PHLPP2: variants seen among roughly 807,000 people sequenced by gnomAD.
The protein encoded by PHLPP2 is PH domain and leucine rich repeat protein phosphatase 2.
In PHLPP2, 66 loss-of-function variants were observed where a neutral mutation model predicts 124.9. That is an observed-to-expected ratio of 0.53 (90% CI 0.43 to 0.65). The LOEUF is 0.65. Ranked by LOEUF, PHLPP2 falls within the 30% of genes least tolerant of loss-of-function variation. The probability of loss-of-function intolerance (pLI) is 0.00; values close to 1 mark genes in which losing one functional copy is unlikely to be tolerated. For missense variants in PHLPP2, 1,685 were observed against 1,600.4 expected (o/e 1.05, Z -0.90); for synonymous variants, 681 against 624.7 (o/e 1.09, Z -1.34).
At chr16:71,664,768 T>A (rs28557231) in intron 12 of PHLPP2, among the ~76,000 whole-genome samples, 6 of 151,410 alleles carry the variant, frequency 4.0e-5, no homozygotes, top group Admixed American at 6.6e-5. Flanking sequence ...AAAAAAAAAA[T>A]TTTTTTGTCT....
At chr16:71,723,285 G>A in intron 1 of PHLPP2, 1 of 152,544 alleles carries the variant, frequency 6.6e-6, no homozygotes, top group Non-Finnish European at 1.5e-5. Context: ...CCTCCGCGGC[G>A]CCGGCCAATC....
chr16:71,702,639 GCCT>G lies in PHLPP2; in HGVS notation c.374_376del (p.Glu125del). On this transcript the variant is annotated inframe_deletion, in exon 3 of 19. Transcript: ENST00000568954. ...CATACAGCCGAGGTCAGGATTTGTA[GCCT>G]CCTCCTGTATGCGCACAGGATCATC... 1 of 1,610,798 alleles carries G rather than the reference GCCT, an allele frequency of 6.2e-7. No individual in the cohort carries two copies. Among genetic ancestry groups the G allele is most frequent in the Non-Finnish European group, 8.5e-7 (1 of 1,178,888 alleles).
At chr16:71,682,007 GATA>G in intron 5 of PHLPP2, 102 bp from the exon 6 acceptor site, 1 of 710,370 alleles carries the variant, frequency 1.4e-6, no homozygotes, top group Non-Finnish European at 1.9e-6. Context: ...TAATTAAAAA[GATA>G]GGAAAAAAAA....
rs1376968713 is a variant in PHLPP2, at chr16:71,681,923, G to C, written c.736-18C>G. ...GACACCACCTGAATAATGTCAAAGA[G>C]AAGAGCCTTCTGAGCTAGTACTGGA... is the stretch of plus-strand genomic sequence containing the variant. On this transcript the variant is annotated intron_variant, in intron 5 of 18. Coordinates refer to ENST00000568954, the MANE Select transcript of PHLPP2 (RefSeq NM_015020.3). The C allele has an allele frequency of 6.3e-7, 1 of 1,580,062 alleles. No individual in the cohort carries two copies. The highest frequency in any genetic ancestry group is 8.6e-7 in the Non-Finnish European group (1 of 1,161,962).
chr16:71,698,483 G>A (rs1421153897), intron 3 of PHLPP2: 6 of 750,142 alleles, frequency 8.0e-6, no homozygotes, highest in Non-Finnish European at 1.2e-5. Flanking sequence ...GTGCCCTGCG[G>A]CTTTCCAAAG....
At chr16:71,710,620 T>C (rs1597017431) in intron 2 of PHLPP2, among the ~76,000 whole-genome samples, 1 of 152,248 alleles carries the variant, frequency 6.6e-6, no homozygotes, top group Non-Finnish European at 1.5e-5. Context: ...TATTGCTATC[T>C]GAAGTACAGC....
chr16:71,699,892 C>T (rs923580337), intron 3 of PHLPP2, among the ~76,000 whole-genome samples: 2 of 152,238 alleles, frequency 1.3e-5, no homozygotes, highest in Admixed American at 6.5e-5. Flanking sequence ...TGCACTCGCT[C>T]TCCTATGCGC....
At chr16:71,663,057 C>G (rs1037340730) in intron 13 of PHLPP2, among the ~76,000 whole-genome samples, 5 of 152,070 alleles carry the variant, frequency 3.3e-5, no homozygotes, top group African/African-American at 4.8e-5. Flanking sequence ...GCAGTGTGAC[C>G]GGCAATGTAT....
rs374257392 is a variant in PHLPP2, at chr16:71,705,489, CAT to C, written c.285-2760_285-2759del. On this transcript the variant is annotated intron_variant, in intron 2 of 18. Transcript: ENST00000568954. ...GTAGATTTTGGAAACCCTCCTTACA[CAT>C]GTCTTTTTTTTCTTTTTCTTTTTCT... 3.6e-3 allele frequency among the ~76,000 whole-genome samples: 552 copies of C among 152,110 alleles called. 7 individuals are homozygous for C. The highest frequency in any genetic ancestry group is 0.012 in the African/African-American group (496 of 41,520).
At chr16:71,670,913 T>C (rs1330324613) in intron 10 of PHLPP2, among the ~76,000 whole-genome samples, 2 of 151,932 alleles carry the variant, frequency 1.3e-5, no homozygotes, top group Admixed American at 6.6e-5. Context: ...CTGAGGGAAA[T>C]TGCCCACAAT....
intron 11 of PHLPP2, 103 bp from the exon 12 acceptor site, chr16:71,667,436 C>G: frequency 1.1e-6 from 1 of 882,608 alleles, no homozygotes; most frequent in Non-Finnish European, 1.7e-6. Context: ...CTTATAGAAA[C>G]ATATTCTCCT....
At chr16:71,672,172 T>G (rs758774802) in intron 10 of PHLPP2, 90 bp downstream of exon 10, 2 of 864,736 alleles carry the variant, frequency 2.3e-6, no homozygotes, top group Non-Finnish European at 3.8e-6. Flanking sequence ...TCAAAATACT[T>G]AGATTTCTTG....
intron 10 of PHLPP2, among the ~76,000 whole-genome samples, chr16:71,670,965 A>G (rs2044887539): frequency 6.6e-6 from 1 of 152,194 alleles, no homozygotes; most frequent in East Asian, 1.9e-4. Context: ...AAGTTCCAGC[A>G]TGGAGGAGAC....
At chr16:71,710,098 C>T (rs2045313815) in intron 2 of PHLPP2, among the ~76,000 whole-genome samples, 1 of 152,298 alleles carries the variant, frequency 6.6e-6, no homozygotes. Context: ...ATCCTTCTGC[C>T]TTGGCCTCCC....
Position 71,684,482 on chromosome 16 carries a change from T to C in PHLPP2, c.729A>G (p.Ala243=). 6.2e-7 allele frequency: 1 copy of C among 1,614,008 alleles called. No homozygotes were observed. The highest frequency in any genetic ancestry group is 1.7e-5 in the Admixed American group (1 of 60,010). Residue 243 remains alanine, a synonymous_variant, in exon 5 of 19, where the codon GCA becomes GCG. Coordinates refer to ENST00000568954, the MANE Select transcript of PHLPP2 (RefSeq NM_015020.3). ...LAEYQRWQRQ[A]SKVVSQRIST... ...ACATCCCATTACTTTTCACCTTGGA[T>C]GCTTGCCGTTGCCATCGCTGGTACT...
chr16:71,673,954 C>T (rs1433209499), intron 9 of PHLPP2, among the ~76,000 whole-genome samples: 1 of 152,176 alleles, frequency 6.6e-6, no homozygotes, highest in Non-Finnish European at 1.5e-5. Flanking sequence ...AACAGAAGTC[C>T]TCAACTTTTA....
intron 3 of PHLPP2, among the ~76,000 whole-genome samples, chr16:71,699,355 C>T (rs2045206245): frequency 6.6e-6 from 1 of 152,148 alleles, no homozygotes; most frequent in Non-Finnish European, 1.5e-5. Context: ...AAACTACCTA[C>T]AGCACCTCCC....
intron 18 of PHLPP2, among the ~76,000 whole-genome samples, 177 bp downstream of exon 18, chr16:71,652,613 C>T (rs564163938): frequency 6.6e-6 from 1 of 152,328 alleles, no homozygotes; most frequent in East Asian, 1.9e-4. Context: ...GTGCTAGTCA[C>T]TAACTGATCA....
At chr16:71,714,934 AC>A in intron 1 of PHLPP2, 133 bp from the exon 2 acceptor site, 1 of 1,082,378 alleles carries the variant, frequency 9.2e-7, no homozygotes, top group Non-Finnish European at 1.3e-6. Context: ...TTTGTGGAGC[AC>A]TTCACATCTA....
Sources: gnomAD v4.1 joint callset for allele counts (sites outside exome capture counted in the v4.1 genomes callset) on GRCh38, gnomAD v4.1.1 for gene constraint, MANE v1.5 for transcripts, NCBI Gene and HGNC (gene_info 2026-07-23, HGNC 2026-07-21) for gene names.